FPR3: variants seen among roughly 807,000 people sequenced by gnomAD.
FPR3 encodes the protein N-formyl peptide receptor 3.
For synonymous variants in FPR3, 135 were observed against 163.6 expected (o/e 0.83, Z 1.34); for missense variants, 346 against 443.2 (o/e 0.78, Z 1.97).
chr19:51,808,780 C>G (rs2084077640), intron 1 of FPR3, among the ~76,000 whole-genome samples: 1 of 152,198 alleles, frequency 6.6e-6, no homozygotes, highest in Non-Finnish European at 1.5e-5. Context: ...GCTCTTAAAT[C>G]ATGTAGTAGT....
At chr19:51,812,516 T>C (rs1016832193) in intron 1 of FPR3, among the ~76,000 whole-genome samples, 1 of 152,220 alleles carries the variant, frequency 6.6e-6, no homozygotes, top group Admixed American at 6.5e-5. Context: ...CTCTCATTCA[T>C]TTGGCTAGCA....
At chr19:51,798,054 A>G (rs1444002272) in intron 1 of FPR3, among the ~76,000 whole-genome samples, 1 of 151,656 alleles carries the variant, frequency 6.6e-6, no homozygotes, top group African/African-American at 2.4e-5. Flanking sequence ...AGTCTTTATC[A>G]AAAAACCATT....
At chr19:51,807,217 G>C (rs751221962) in intron 1 of FPR3, among the ~76,000 whole-genome samples, 3 of 63,536 alleles carry the variant, frequency 4.7e-5, no homozygotes, top group African/African-American at 2.0e-4. Context: ...AGCAGGAAGT[G>C]GGGGGGGTGG....
In FPR3 at chr19:51,825,963, C is replaced by G. The variant is rs1391904759; in HGVS notation, c.*1153C>G. The G allele has an allele frequency of 6.0e-6, 1 of 166,944 alleles. No individual in the cohort carries two copies. The highest frequency in any genetic ancestry group is 1.5e-5 in the Non-Finnish European group (1 of 68,106). The allele number at this position is 166,944 out of a possible 1,614,324, so 10.3% of individuals were successfully genotyped here. A position where few individuals can be genotyped will look rare whatever the true frequency, so the allele number is the denominator to read the frequency against. On this transcript the variant is annotated 3_prime_UTR_variant, in exon 2 of 2. Transcript: ENST00000339223. ...TTTGCCATAGGCTTTCTGGGGCTTTCTCTTTTTAAAGTCAGACTGTTGAAG... is the reference window on the plus strand; with the variant it reads ...TTTGCCATAGGCTTTCTGGGGCTTTGTCTTTTTAAAGTCAGACTGTTGAAG...
At chr19:51,823,603 TTTATG>T in intron 1 of FPR3, 131 bp from the exon 2 acceptor site, 1 of 689,656 alleles carries the variant, frequency 1.5e-6, no homozygotes, top group East Asian at 2.8e-5. Flanking sequence ...GAGTGCCAAT[TTTATG>T]TTATAACCAT....
intron 1 of FPR3, among the ~76,000 whole-genome samples, chr19:51,798,186 TTTACACTG>T (rs1270299357): frequency 6.6e-6 from 1 of 152,104 alleles, no homozygotes; most frequent in Non-Finnish European, 1.5e-5. Flanking sequence ...CCTGGTACTC[TTTACACTG>T]TTACAGTGAC....
At chr19:51,796,648 G>A (rs10404175) in intron 1 of FPR3, among the ~76,000 whole-genome samples, 2,414 of 152,308 alleles carry the variant, frequency 0.016, 72 homozygotes, top group African/African-American at 0.055. Flanking sequence ...TGAGTAAGAC[G>A]TGGATGGCGT....
At chr19:51,803,385 G>T (rs965926447) in intron 1 of FPR3, among the ~76,000 whole-genome samples, 1 of 152,052 alleles carries the variant, frequency 6.6e-6, no homozygotes, top group Non-Finnish European at 1.5e-5. Context: ...CTCAGAAATT[G>T]TCAATTTTGT....
At position 51,798,098 on chromosome 19, in the gene FPR3, G is replaced by A. The variant is rs187297419; in HGVS notation, c.-11+2767G>A. On this transcript the variant is annotated intron_variant, in intron 1 of 1. Coordinates refer to ENST00000339223, the MANE Select transcript of FPR3 (RefSeq NM_002030.5). ...GCAGAGGGGAAAATGGGGGCTCAAA[G>A]AGATGTCACTGATCAAGAATTTACA... 2.8e-3 allele frequency among the ~76,000 whole-genome samples: 433 copies of A among 152,074 alleles called. 1 individual carries two copies. The highest frequency in any genetic ancestry group is 4.5e-3 in the Non-Finnish European group (303 of 67,978).
chr19:51,824,107 C>T lies in FPR3; in HGVS notation c.359C>T (p.Ala120Val). ...AGTGTCTACCTGATCACCATCATTG[C>T]TCTGGACCGCTGTATTTGTGTCCTG... ...FVSVYLITII[A>V]LDRCICVLHP... is the part of the protein sequence containing the mutation. Residue 120 changes from alanine to valine, a missense_variant, in exon 2 of 2, where the codon GCT (alanine) becomes GTT (valine). Physicochemically the swap from Ala to Val is moderately conservative, Grantham distance 64. Transcript: ENST00000339223. The surrounding 1 kb of genome is among the most constrained non-coding windows in gnomAD (Gnocchi z 4.7). 1 of 1,613,986 alleles carries T rather than the reference C, an allele frequency of 6.2e-7. No individual in the cohort carries two copies.
chr19:51,795,504 C>CT (rs58620565), intron 1 of FPR3, among the ~76,000 whole-genome samples, 173 bp downstream of exon 1: 2,484 of 74,528 alleles, frequency 0.033, 474 homozygotes, highest in African/African-American at 0.074. Flanking sequence ...CAGTAACATT[C>CT]TTTTTTTTTT....
rs58620565 is a variant in FPR3 at position 51,795,504 on chromosome 19, CTTTT to C, written c.-11+199_-11+202del. Among the ~76,000 whole-genome samples the C allele has an allele frequency of 9.3e-3, 698 of 74,722 alleles. 16 individuals are homozygous for C. Among genetic ancestry groups the C allele is most frequent in the African/African-American group, 0.037 (588 of 16,066 alleles). 49.0% of individuals were successfully genotyped at this position (74,722 alleles called of 152,430 possible). ...TTTGGTTACATGTTCCAGTAACATT[CTTTT>C]TTTTTTTTTTTTTTTTTTTTTTTTT... On this transcript the variant is annotated intron_variant, in intron 1 of 1. Coordinates refer to ENST00000339223, the MANE Select transcript of FPR3 (RefSeq NM_002030.5).
At chr19:51,816,241 C>T (rs2084136129) in intron 1 of FPR3, among the ~76,000 whole-genome samples, 1 of 152,126 alleles carries the variant, frequency 6.6e-6, no homozygotes, top group Non-Finnish European at 1.5e-5. Flanking sequence ...TGTTTTTGAG[C>T]TGTATTCTTT....
At chr19:51,818,280 A>G (rs55843033) in intron 1 of FPR3, among the ~76,000 whole-genome samples, 57,960 of 152,048 alleles carry the variant, frequency 0.38, 11,382 homozygotes, top group South Asian at 0.52. Flanking sequence ...TTTTTGATAT[A>G]TAGGATTCAA....
chr19:51,821,289 A>T (rs571033549), intron 1 of FPR3, among the ~76,000 whole-genome samples: 77 of 152,250 alleles, frequency 5.1e-4, no homozygotes, highest in African/African-American at 1.8e-3. Flanking sequence ...ACTGACCCCA[A>T]AGCCCAGTGT....
intron 1 of FPR3, chr19:51,817,785 T>C (rs939353804): frequency 6.6e-6 from 1 of 152,180 alleles, no homozygotes; most frequent in East Asian, 1.9e-4. Flanking sequence ...GAGCTTGTGT[T>C]GCTCGACAGG....
Position 51,824,079 on chromosome 19 carries a change from G to C in FPR3, c.331G>C (p.Val111Leu), listed in dbSNP as rs751161506. ...TGTTATGATAGACATCAACCTGTTT[G>C]TCAGTGTCTACCTGATCACCATCAT... Reference protein sequence around the residue: ...VHVMIDINLFVSVYLITIIAL... With the variant: ...VHVMIDINLFLSVYLITIIAL... Residue 111 changes from valine (V) to leucine (L), a missense_variant, in exon 2 of 2, where the codon GTC becomes CTC. Physicochemically the swap from Val to Leu is conservative, Grantham distance 32. Transcript: ENST00000339223. This position sits in a 1 kb window ranked among gnomAD's most constrained non-coding sequence, Gnocchi z 4.7. The C allele has an allele frequency of 5.0e-6, 8 of 1,614,012 alleles. No individual in the cohort carries two copies. In the Admixed American group the frequency reaches 1.2e-4, roughly 24 times the overall value.
At chr19:51,822,543 A>T (rs1486841006) in intron 1 of FPR3, among the ~76,000 whole-genome samples, 6 of 152,190 alleles carry the variant, frequency 3.9e-5, no homozygotes. Context: ...ACTGTTTCCT[A>T]CTTAAGTGAC....
At chr19:51,802,223 A>G (rs1350855068) in intron 1 of FPR3, among the ~76,000 whole-genome samples, 1 of 152,158 alleles carries the variant, frequency 6.6e-6, no homozygotes, top group Non-Finnish European at 1.5e-5. Context: ...AAAATTCGTA[A>G]AAATGCCTTA....
Sources: allele counts gnomAD v4.1 joint callset (sites outside exome capture counted in the v4.1 genomes callset), GRCh38; gene constraint gnomAD v4.1.1; non-coding constraint Gnocchi (gnomAD v3.1); transcripts MANE v1.5; gene names NCBI Gene and HGNC (gene_info 2026-07-23, HGNC 2026-07-21).